The following UHRF2 variants were observed in gnomAD, a reference collection of about 807,000 sequenced individuals.
UHRF2 encodes the protein ubiquitin like with PHD and ring finger domains 2, also known as E3 ubiquitin-protein ligase UHRF2.
A neutral mutation model predicts 96.8 loss-of-function variants in UHRF2; 23 were observed. The observed-to-expected ratio is 0.24, with a 90% CI of 0.17 to 0.34. The LOEUF (loss-of-function observed/expected upper bound fraction) is 0.34, where lower values mean the gene tolerates loss of function less well. Ranked by LOEUF, UHRF2 falls within the 10% of genes least tolerant of loss-of-function variation. The pLI is 1.00. For synonymous variants in UHRF2, 385 were observed against 332.6 expected (o/e 1.16, Z -1.72); for missense variants, 685 against 981.5 (o/e 0.70, Z 4.04).
At chr9:6,425,169 G>A (rs1264082164) in intron 2 of UHRF2, among the ~76,000 whole-genome samples, 1 of 152,130 alleles carries the variant, frequency 6.6e-6, no homozygotes, top group African/African-American at 2.4e-5. Context: ...TGCCTTGAGG[G>A]CAGAGTATCT....
chr9:6,430,206 C>T lies in UHRF2; in HGVS notation c.385-3708C>T, dbSNP rs527594946. On this transcript the variant is annotated intron_variant, in intron 2 of 15. Coordinates refer to ENST00000276893, the MANE Select transcript of UHRF2 (RefSeq NM_152896.3). ...TGTACTTTTAGTAGAGACAGGGTTT[C>T]GCCATGTTTGCCGGGCTGGTCTTGA... 2.0e-4 allele frequency among the ~76,000 whole-genome samples: 30 copies of T among 152,166 alleles called. No homozygotes were observed. The South Asian group carries it at 5.0e-3, about 25-fold the overall frequency.
At chr9:6,430,967 T>A (rs114887380) in intron 2 of UHRF2, among the ~76,000 whole-genome samples, 1 of 152,236 alleles carries the variant, frequency 6.6e-6, no homozygotes, top group Non-Finnish European at 1.5e-5. Context: ...AAATTCTGTT[T>A]TCCTCTTTTG....
At chr9:6,504,534 T>A in intron 14 of UHRF2, 59 bp from the exon 15 acceptor site, 2 of 1,163,134 alleles carry the variant, frequency 1.7e-6, no homozygotes, top group Non-Finnish European at 2.5e-6. Context: ...GTAGATGAAT[T>A]TTATTAGCAT....
chr9:6,460,694 A>G lies in UHRF2; in HGVS notation c.766A>G (p.Ser256Gly), dbSNP rs763568027. The G allele has an allele frequency of 1.2e-6, 2 of 1,613,968 alleles. No homozygotes were observed. Among genetic ancestry groups the G allele is most frequent in the Non-Finnish European group, 1.7e-6 (2 of 1,179,976 alleles). ...GGTAATGGTTAATTATAATGTAGAA[A>G]GTCCTGGACAAAGAGGATTCTGGTT... is the stretch of plus-strand genomic sequence containing the variant. ...DVVMVNYNVE[S>G]PGQRGFWFDA... is the part of the protein sequence containing the mutation. Residue 256 changes from serine (S) to glycine (G), a missense_variant, in exon 4 of 16, where the codon AGT (serine) becomes GGT (glycine). This residue lies in a region of UHRF2 where 391 missense variants were observed against 437.0 expected (regional missense o/e 0.89). Coordinates refer to ENST00000276893, the MANE Select transcript of UHRF2 (RefSeq NM_152896.3).
intron 2 of UHRF2, among the ~76,000 whole-genome samples, chr9:6,433,424 CTTTTT>C (rs770650329): frequency 6.6e-6 from 1 of 151,874 alleles, no homozygotes; most frequent in Non-Finnish European, 1.5e-5. Context: ...TCATTAGACT[CTTTTT>C]TTTATTGTGC....
chr9:6,500,147 T>C (rs1816209459), intron 13 of UHRF2, among the ~76,000 whole-genome samples: 1 of 152,132 alleles, frequency 6.6e-6, no homozygotes. Flanking sequence ...TTTGTATCTT[T>C]TGTAAAGATG....
At chr9:6,438,221 A>T (rs1820964688) in intron 3 of UHRF2, among the ~76,000 whole-genome samples, 1 of 152,242 alleles carries the variant, frequency 6.6e-6, no homozygotes, top group South Asian at 2.1e-4. Context: ...CCAGTCAAAT[A>T]TCTCTGAAGA....
intron 3 of UHRF2, among the ~76,000 whole-genome samples, chr9:6,457,051 A>C (rs768176692): frequency 6.6e-6 from 1 of 152,144 alleles, no homozygotes; most frequent in Non-Finnish European, 1.5e-5. Flanking sequence ...GAAGAAAGTC[A>C]TTGTCAGTTT....
At chr9:6,429,052 C>G (rs1211827400) in intron 2 of UHRF2, among the ~76,000 whole-genome samples, 1 of 152,062 alleles carries the variant, frequency 6.6e-6, no homozygotes, top group Admixed American at 6.6e-5. Context: ...GTAATCCCAG[C>G]TACTCAGGAG....
intron 3 of UHRF2, among the ~76,000 whole-genome samples, chr9:6,444,563 G>A (rs530675323): frequency 6.6e-6 from 1 of 152,154 alleles, no homozygotes; most frequent in South Asian, 2.1e-4. Context: ...CTCTCTCCCT[G>A]CTTCCTCATT....
chr9:6,483,580 T>G (rs1824061660), intron 8 of UHRF2, among the ~76,000 whole-genome samples: 1 of 152,234 alleles, frequency 6.6e-6, no homozygotes, highest in African/African-American at 2.4e-5. Flanking sequence ...ACTTGGCAGA[T>G]GTGGAACCTG....
intron 2 of UHRF2, among the ~76,000 whole-genome samples, chr9:6,427,343 ATTAAC>A (rs1169428205): frequency 6.6e-6 from 1 of 152,200 alleles, no homozygotes; most frequent in Non-Finnish European, 1.5e-5. Flanking sequence ...GAATTTTCAA[ATTAAC>A]TTTATTCAAA....
At chr9:6,430,833 A>G (rs1467914956) in intron 2 of UHRF2, among the ~76,000 whole-genome samples, 1 of 152,070 alleles carries the variant, frequency 6.6e-6, no homozygotes, top group African/African-American at 2.4e-5. Context: ...GCTTTCCTGT[A>G]TTTCCCCTTC....
At chr9:6,475,078 A>G (rs1470138169) in intron 4 of UHRF2, among the ~76,000 whole-genome samples, 1 of 152,218 alleles carries the variant, frequency 6.6e-6, no homozygotes, top group Non-Finnish European at 1.5e-5. Context: ...TTTAACAGGA[A>G]GTTATTTAAA....
intron 9 of UHRF2, among the ~76,000 whole-genome samples, chr9:6,493,242 G>A (rs565007912): frequency 6.2e-4 from 94 of 152,144 alleles, no homozygotes; most frequent in Middle Eastern, 3.4e-3. Flanking sequence ...AGGCTACAGC[G>A]AGCCGAGATC....
intron 2 of UHRF2, among the ~76,000 whole-genome samples, chr9:6,430,703 A>G (rs1820517245): frequency 6.6e-6 from 1 of 152,210 alleles, no homozygotes; most frequent in East Asian, 1.9e-4. Context: ...TCCAAAGCCC[A>G]CTGACATTAT....
intron 10 of UHRF2, chr9:6,495,999 A>T (rs1302475420): frequency 1.4e-5 from 2 of 147,780 alleles, no homozygotes; most frequent in African/African-American, 5.0e-5. Flanking sequence ...CTTTTAGATT[A>T]AAAAAAAAAG....
intron 6 of UHRF2, among the ~76,000 whole-genome samples, chr9:6,479,738 A>G (rs185563344): frequency 7.8e-4 from 119 of 152,222 alleles, no homozygotes; most frequent in African/African-American, 2.8e-3. Flanking sequence ...AATAGTACTA[A>G]TCATTTTATC....
chr9:6,462,346 C>T (rs535725), intron 4 of UHRF2, among the ~76,000 whole-genome samples: 70,118 of 151,056 alleles, frequency 0.46, 17,228 homozygotes, highest in East Asian at 0.57. Context: ...AAAAATGATG[C>T]GAGGTGTTGA....
Sources: allele counts gnomAD v4.1 joint callset (sites outside exome capture counted in the v4.1 genomes callset), GRCh38; gene constraint gnomAD v4.1.1; regional missense constraint gnomAD v4.1.1; transcripts MANE v1.5; gene names NCBI Gene and HGNC (gene_info 2026-07-23, HGNC 2026-07-21).